TENM2: variants seen among roughly 807,000 people sequenced by gnomAD.
The protein encoded by TENM2 is teneurin transmembrane protein 2, also known as teneurin-2.
Under a neutral mutation model 245.2 loss-of-function variants are expected in TENM2, and 52 were observed. That is an observed-to-expected ratio of 0.21 (90% CI 0.17 to 0.27). TENM2 has a LOEUF of 0.27. TENM2 is among the 10% of genes least tolerant of loss of function. The pLI, the probability that TENM2 is intolerant of heterozygous loss-of-function variation, is 1.00. For synonymous variants in TENM2, 1,363 were observed against 1,438.9 expected (o/e 0.95, Z 1.19); for missense variants, 3,046 against 3,666.8 (o/e 0.83, Z 4.37).
At chr5:167,111,124 T>C in the TENM2 span, among the ~76,000 whole-genome samples, 1 of 152,226 alleles carries the variant, frequency 6.6e-6, no homozygotes, top group African/African-American at 2.4e-5. Context: ...TTATATTACT[T>C]TAAATTCCTT....
intron 2 of TENM2, among the ~76,000 whole-genome samples, chr5:167,619,716 T>A (rs1338687666): frequency 1.3e-5 from 2 of 152,138 alleles, no homozygotes; most frequent in Admixed American, 1.3e-4. Flanking sequence ...GCATGCAATG[T>A]TTTTAATAGA....
chr5:167,665,299 A>T (rs1282546691), intron 2 of TENM2, among the ~76,000 whole-genome samples: 1 of 152,178 alleles, frequency 6.6e-6, no homozygotes, highest in Admixed American at 6.5e-5. Context: ...TCTCAGTATT[A>T]CCATTAGTGA....
intron 2 of TENM2, among the ~76,000 whole-genome samples, chr5:167,546,113 C>T (rs9687011): frequency 9.2e-5 from 14 of 152,098 alleles, no homozygotes; most frequent in Non-Finnish European, 1.5e-4. Context: ...TAAATAACTT[C>T]TCCAAATTCA....
At chr5:167,101,849 T>TTTTATATATATATATATATATATATATA in the TENM2 span, among the ~76,000 whole-genome samples, 1 of 69,454 alleles carries the variant, frequency 1.4e-5, no homozygotes, top group African/African-American at 5.5e-5. Flanking sequence ...ATATATATAT[T>TTTTATATATATATATATATATATATATA]TATATATATA....
At chr5:167,067,909 C>CA in the TENM2 span, among the ~76,000 whole-genome samples, 11 of 152,082 alleles carry the variant, frequency 7.2e-5, no homozygotes, top group South Asian at 1.7e-3. Flanking sequence ...GTGATGAGGC[C>CA]ACTTGCTCCA....
At chr5:167,369,242 T>A (rs751362433) in intron 1 of TENM2, among the ~76,000 whole-genome samples, 14 of 152,166 alleles carry the variant, frequency 9.2e-5, no homozygotes, top group African/African-American at 1.9e-4. Context: ...AAACTGCTTA[T>A]GTGATTTTTG....
At chr5:167,616,768 T>C (rs1023787649) in intron 2 of TENM2, among the ~76,000 whole-genome samples, 2 of 152,132 alleles carry the variant, frequency 1.3e-5, no homozygotes, top group East Asian at 3.9e-4. Context: ...CTTCTTTTGA[T>C]TTACTCAAAC....
intron 3 of TENM2, among the ~76,000 whole-genome samples, chr5:167,951,208 G>T (rs1347226948): frequency 6.6e-6 from 1 of 152,204 alleles, no homozygotes; most frequent in African/African-American, 2.4e-5. Flanking sequence ...GAGACAAGTA[G>T]TTGAAATTTG....
chr5:167,736,082 A>G (rs1281910472), intron 2 of TENM2, among the ~76,000 whole-genome samples: 1 of 152,210 alleles, frequency 6.6e-6, no homozygotes, highest in Non-Finnish European at 1.5e-5. Flanking sequence ...ACAGTTCAGC[A>G]TGGCTGAGGA....
At chr5:167,122,186 T>C in the TENM2 span, among the ~76,000 whole-genome samples, 1 of 152,174 alleles carries the variant, frequency 6.6e-6, no homozygotes. Flanking sequence ...CCCTAGAACC[T>C]TTGATTTTTG....
intron 2 of TENM2, among the ~76,000 whole-genome samples, chr5:167,589,756 C>G (rs1032936638): frequency 4.6e-5 from 7 of 151,812 alleles, no homozygotes; most frequent in African/African-American, 1.7e-4. Flanking sequence ...AGTGGAAATT[C>G]TCTTATGCAT....
At chr5:167,106,748 T>C in the TENM2 span, among the ~76,000 whole-genome samples, 1 of 144,658 alleles carries the variant, frequency 6.9e-6, no homozygotes, top group African/African-American at 2.6e-5. Context: ...GCTGTGGCAA[T>C]AGAGGTGAAG....
chr5:167,854,634 T>C (rs1770901187), intron 2 of TENM2, among the ~76,000 whole-genome samples: 1 of 152,200 alleles, frequency 6.6e-6, no homozygotes, highest in Non-Finnish European at 1.5e-5. Flanking sequence ...TAAGCAACAA[T>C]TGGCATCATT....
chr5:167,702,552 GTATATATA>G (rs374895330), intron 2 of TENM2, among the ~76,000 whole-genome samples: 12 of 136,782 alleles, frequency 8.8e-5, no homozygotes, highest in Admixed American at 7.3e-4. Flanking sequence ...GTGTGTGTGT[GTATATATA>G]TATATATATA....
At chr5:168,021,775 CT>C (rs10563117) in intron 5 of TENM2, among the ~76,000 whole-genome samples, 22,057 of 143,360 alleles carry the variant, frequency 0.15, 1,436 homozygotes, top group Non-Finnish European at 0.18. Flanking sequence ...TATTTGAAAT[CT>C]TTTTTTTTTT....
intron 2 of TENM2, among the ~76,000 whole-genome samples, chr5:167,834,977 G>A (rs1311808753): frequency 6.6e-6 from 1 of 152,184 alleles, no homozygotes; most frequent in Admixed American, 6.5e-5. Flanking sequence ...TCAACTAAGG[G>A]ACAAAGTGTT....
In TENM2 at chr5:168,242,628, T is replaced by C. The variant is rs533760753; in HGVS notation, c.5521-1792T>C. Among the ~76,000 whole-genome samples, 53 of 152,280 alleles carry C rather than the reference T, an allele frequency of 3.5e-4. 1 individual carries two copies. The South Asian group carries it at 0.011, about 31-fold the overall frequency. ...TGCAAAATGCCTAACACAATGCCTG[T>C]ATATATTCGTCCTCAGCATATATTA... On this transcript the variant is annotated intron_variant, in intron 25 of 28. Coordinates refer to ENST00000518659, the Ensembl canonical transcript of TENM2.
rs562644965 is a variant in TENM2, at chr5:167,580,857, C to T, written c.502+205384C>T. Among the ~76,000 whole-genome samples, 166 of 152,236 alleles carry T rather than the reference C, an allele frequency of 1.1e-3. 1 individual carries two copies. Among genetic ancestry groups the T allele is most frequent in the African/African-American group, 2.7e-3 (112 of 41,544 alleles). ...TACAAAAATTAGCCGGGCGTGGTGG[C>T]GCAAGCTTGTAATACCAGGTACTCA... On this transcript the variant is annotated intron_variant, in intron 2 of 28. Transcript: ENST00000518659.
In TENM2 at chr5:167,850,172, G is replaced by A. The variant is rs1583180881; in HGVS notation, c.503-25814G>A. 7.9e-5 allele frequency among the ~76,000 whole-genome samples: 12 copies of A among 152,296 alleles called. No homozygotes were observed. The South Asian group carries it at 2.5e-3, about 32-fold the overall frequency. ...AGACAAAAGACTTTAGAAGACAAAA[G>A]ACATTCATATCTCCAGAGATACCAA... On this transcript the variant is annotated intron_variant, in intron 2 of 28. Coordinates refer to ENST00000518659, the Ensembl canonical transcript of TENM2.
Sources: allele counts gnomAD v4.1 joint callset (sites outside exome capture counted in the v4.1 genomes callset), GRCh38; gene constraint gnomAD v4.1.1; transcripts MANE v1.5; gene names NCBI Gene and HGNC (gene_info 2026-07-23, HGNC 2026-07-21).